YWHAH: variants seen among roughly 807,000 people sequenced by gnomAD.
YWHAH encodes 14-3-3 protein eta.
In YWHAH, 6 loss-of-function variants were observed where a neutral mutation model predicts 22.9. That is an observed-to-expected ratio of 0.26 (90% confidence interval 0.14 to 0.52). The LOEUF is 0.52. Among genes scored for constraint, YWHAH ranks in the 20% least tolerant of loss-of-function variants. The probability of loss-of-function intolerance (pLI) is 0.97; values close to 1 mark genes in which losing one functional copy is unlikely to be tolerated. For synonymous variants in YWHAH, 135 were observed against 124.5 expected, an observed-to-expected ratio of 1.08 and a Z score of -0.56; for missense variants, 173 against 308.6, an observed-to-expected ratio of 0.56 and a Z score of 3.29.
chr22:31,950,564 C>A, intron 1 of YWHAH: 1 of 510,022 alleles, frequency 2.0e-6, no homozygotes, highest in Non-Finnish European at 3.5e-6. Context: ...TGAAAATGTT[C>A]AGTTATGTCA....
At chr22:31,945,048 G>T in intron 1 of YWHAH, 1 of 1,112,532 alleles carries the variant, frequency 9.0e-7, no homozygotes. Context: ...GTTCGGGATC[G>T]CGAAGGCAGC....
intron 1 of YWHAH, among the ~76,000 whole-genome samples, chr22:31,951,588 C>T (rs2093843358): frequency 6.6e-6 from 1 of 152,202 alleles, no homozygotes; most frequent in Non-Finnish European, 1.5e-5. Flanking sequence ...TATTTTTACT[C>T]ACACACATAG....
chr22:31,950,446 T>A (rs1454918822), intron 1 of YWHAH: 1 of 777,308 alleles, frequency 1.3e-6, no homozygotes, highest in African/African-American at 1.7e-5. Flanking sequence ...CTTCCAATGA[T>A]CCGAACCTGG....
chr22:31,952,160 A>T (rs1233687010), intron 1 of YWHAH, among the ~76,000 whole-genome samples: 1 of 152,154 alleles, frequency 6.6e-6, no homozygotes, highest in African/African-American at 2.4e-5. Context: ...CATGTTCCTG[A>T]TTTGTGGAGA....
chr22:31,947,866 TAGAC>T (rs1242889197), intron 1 of YWHAH, among the ~76,000 whole-genome samples: 5 of 152,216 alleles, frequency 3.3e-5, no homozygotes, highest in Non-Finnish European at 7.3e-5. Context: ...TGGATATTCA[TAGAC>T]AGACATAATT....
At chr22:31,948,964 A>G (rs2093838932) in intron 1 of YWHAH, among the ~76,000 whole-genome samples, 1 of 152,108 alleles carries the variant, frequency 6.6e-6, no homozygotes, top group Non-Finnish European at 1.5e-5. Flanking sequence ...TAAAGAAACC[A>G]AAAATGTATT....
chr22:31,947,418 G>A (rs191012911), intron 1 of YWHAH: 1 of 471,054 alleles, frequency 2.1e-6, no homozygotes, highest in Non-Finnish European at 4.4e-6. Flanking sequence ...ATGCTCACTT[G>A]ATAATACTGC....
At chr22:31,944,985 C>T in intron 1 of YWHAH, 165 bp downstream of exon 1, 2 of 1,117,272 alleles carry the variant, frequency 1.8e-6, no homozygotes, top group Non-Finnish European at 2.2e-6. Flanking sequence ...TCCCGCTGGG[C>T]GCCCCGCCAC....
chr22:31,945,454 C>T, intron 1 of YWHAH: 2 of 1,304,084 alleles, frequency 1.5e-6, no homozygotes, highest in Non-Finnish European at 2.0e-6. Flanking sequence ...CCCAGGTTTG[C>T]TGCTGCGCTG....
chr22:31,944,586 A>G lies in YWHAH; in HGVS notation c.-148A>G, dbSNP rs1043051300. 7.3e-5 allele frequency: 12 copies of G among 163,836 alleles called. No homozygotes were observed. Among genetic ancestry groups the G allele is most frequent in the Admixed American group, 4.1e-4 (3 of 7,292 alleles). 10.1% of individuals were successfully genotyped at this position (163,836 alleles called of 1,614,324 possible). A position where few individuals can be genotyped will look rare whatever the true frequency, so the allele number is the denominator to read the frequency against. On this transcript the variant is annotated 5_prime_UTR_variant, in exon 1 of 2. Transcript: ENST00000248975. ...GGGCGCGAGCGGCGGCGCTGCCTGC[A>G]GCCTGCAGCCTGCAGCCTCCGGCCG...
intron 1 of YWHAH, chr22:31,945,398 CG>C: frequency 7.7e-7 from 1 of 1,298,214 alleles, no homozygotes. Context: ...TAGGCGTGGA[CG>C]GGGGCGGGAG....
At chr22:31,954,271 A>G (rs1224243991) in intron 1 of YWHAH, among the ~76,000 whole-genome samples, 1 of 151,480 alleles carries the variant, frequency 6.6e-6, no homozygotes, top group Non-Finnish European at 1.5e-5. Context: ...CTTTTTTTTC[A>G]TTATTGAAAT....
intron 1 of YWHAH, chr22:31,947,431 TC>T: frequency 4.2e-6 from 2 of 471,562 alleles, no homozygotes; most frequent in South Asian, 3.1e-5. Flanking sequence ...AATACTGCCT[TC>T]CTGTAATGAT....
At chr22:31,946,251 G>A (rs570068073) in intron 1 of YWHAH, among the ~76,000 whole-genome samples, 1 of 152,202 alleles carries the variant, frequency 6.6e-6, no homozygotes, top group East Asian at 1.9e-4. Flanking sequence ...CCGGGGGACG[G>A]TCTAGGTCTG....
intron 1 of YWHAH, chr22:31,947,422 A>G (rs981447661): frequency 4.2e-6 from 2 of 471,168 alleles, no homozygotes; most frequent in African/African-American, 4.0e-5. Flanking sequence ...TCACTTGATA[A>G]TACTGCCTTC....
chr22:31,945,232 C>G (rs1484965372), intron 1 of YWHAH: 2 of 1,143,128 alleles, frequency 1.7e-6, no homozygotes, highest in Admixed American at 4.0e-5. Flanking sequence ...TAAAGAATCA[C>G]CTAGTAAGTG....
intron 1 of YWHAH, among the ~76,000 whole-genome samples, chr22:31,953,450 G>A (rs1603053809): frequency 6.6e-6 from 1 of 152,168 alleles, no homozygotes; most frequent in East Asian, 1.9e-4. Flanking sequence ...TGACATGCAG[G>A]TGTGAGATGT....
chr22:31,950,458 A>G (rs1386267864), intron 1 of YWHAH: 1 of 775,352 alleles, frequency 1.3e-6, no homozygotes. Flanking sequence ...CGAACCTGGC[A>G]CAGCTTCTGA....
chr22:31,948,793 T>C (rs5994457), intron 1 of YWHAH, among the ~76,000 whole-genome samples: 63,195 of 152,054 alleles, frequency 0.42, 13,421 homozygotes, highest in African/African-American at 0.49. Flanking sequence ...GGAAGAAGGC[T>C]CTGGATTATT....
Sources: allele counts gnomAD v4.1 joint callset (sites outside exome capture counted in the v4.1 genomes callset), GRCh38; gene constraint gnomAD v4.1.1; transcripts MANE v1.5; gene names NCBI Gene and HGNC (gene_info 2026-07-23, HGNC 2026-07-21).